XPO4: variants seen among roughly 807,000 people sequenced by gnomAD.
XPO4 encodes the protein exportin-4.
Under a neutral mutation model 143.0 loss-of-function variants are expected in XPO4, and 39 were observed. The ratio of observed to expected loss-of-function variants is 0.27; its 90% CI spans 0.21 to 0.36. The LOEUF (loss-of-function observed/expected upper bound fraction) is 0.36, where lower values mean the gene tolerates loss of function less well. Ranked by LOEUF, XPO4 falls within the 10% of genes least tolerant of loss-of-function variation. XPO4 has a pLI of 1.00. For synonymous variants in XPO4, 439 were observed against 474.0 expected (o/e 0.93, Z 0.96); for missense variants, 907 against 1,348.0 (o/e 0.67, Z 5.12).
intron 6 of XPO4, among the ~76,000 whole-genome samples, chr13:20,829,752 A>G (rs1485228962): frequency 1.3e-5 from 2 of 152,222 alleles, no homozygotes; most frequent in African/African-American, 2.4e-5. Context: ...CCCTCCAGGT[A>G]TAATACAGCA....
chr13:20,784,532 T>C (rs1020743699), intron 22 of XPO4, among the ~76,000 whole-genome samples: 1 of 152,160 alleles, frequency 6.6e-6, no homozygotes, highest in African/African-American at 2.4e-5. Flanking sequence ...CTTTAGTAAA[T>C]ATAGGAATAT....
intron 7 of XPO4, among the ~76,000 whole-genome samples, chr13:20,824,910 G>A (rs1019023910): frequency 6.6e-6 from 1 of 152,182 alleles, no homozygotes; most frequent in African/African-American, 2.4e-5. Context: ...AGTAAGCACT[G>A]GGATTATAAG....
At chr13:20,807,417 T>A (rs2059521882) in intron 13 of XPO4, 40 bp downstream of exon 13, 1 of 1,558,938 alleles carries the variant, frequency 6.4e-7, no homozygotes, top group Non-Finnish European at 8.7e-7. Flanking sequence ...TATAAAACAG[T>A]ATAAAAATTA....
rs750298885 is a variant in XPO4 at position 20,796,912 on chromosome 13, T to C, written c.2468A>G (p.Asn823Ser). The change falls in exon 17 of 23, where the codon AAC becomes AGC. Residue 823 changes from asparagine (N) to serine (S), a missense_variant. Transcript: ENST00000255305. ...TAAAAAATTAAACAGGATTGCTACGTTGTCAATCTGGGTAGCCTCAGCAAT... is the reference window on the plus strand; with the variant it reads ...TAAAAAATTAAACAGGATTGCTACGCTGTCAATCTGGGTAGCCTCAGCAAT... ...CGIAEATQIDNVAILFNFLMD... is the reference protein window; with the variant it reads ...CGIAEATQIDSVAILFNFLMD... The C allele has an allele frequency of 1.5e-5, 24 of 1,614,066 alleles. No homozygotes were observed. The highest frequency in any genetic ancestry group is 1.8e-5 in the Non-Finnish European group (21 of 1,180,032).
chr13:20,855,763 A>T lies in XPO4; in HGVS notation c.320T>A (p.Leu107His). The change falls in exon 4 of 23, where the codon CTT becomes CAT. Residue 107 changes from leucine (L) to histidine (H), a missense_variant and splice_region_variant. Physicochemically the swap from Leu to His is moderately conservative, Grantham distance 99 (BLOSUM62 -3). Transcript: ENST00000255305. ...LLTYVLQRPN[L>H]QKYVREQILL... ...AATCTGTTCCCGAACATACTTTTGA[A>T]GGCTGTAAAACATAAAAATCATTGT... is the stretch of plus-strand genomic sequence containing the variant. 1 of 1,586,336 alleles carries T rather than the reference A, an allele frequency of 6.3e-7. No homozygotes were observed. The highest frequency in any genetic ancestry group is 8.5e-7 in the Non-Finnish European group (1 of 1,171,802).
intron 9 of XPO4, among the ~76,000 whole-genome samples, chr13:20,810,580 G>T (rs896649036): frequency 1.3e-5 from 2 of 152,110 alleles, no homozygotes; most frequent in African/African-American, 2.4e-5. Context: ...CCCTCTTCTT[G>T]GTTCTCCATC....
intron 1 of XPO4, among the ~76,000 whole-genome samples, chr13:20,901,935 A>G (rs1240899223): frequency 6.6e-6 from 1 of 152,194 alleles, no homozygotes; most frequent in Admixed American, 6.5e-5. Flanking sequence ...CTTGCATGTA[A>G]TACTTTTATC....
intron 1 of XPO4, among the ~76,000 whole-genome samples, chr13:20,876,380 A>G (rs939290783): frequency 1.3e-5 from 2 of 152,108 alleles, no homozygotes; most frequent in Non-Finnish European, 2.9e-5. Flanking sequence ...AAACAATGGA[A>G]TGGGGAAAAT....
chr13:20,827,121 T>C lies in XPO4; in HGVS notation c.786A>G (p.Thr262=), dbSNP rs200596666. 5 of 1,614,060 alleles carry C rather than the reference T, an allele frequency of 3.1e-6. No homozygotes were observed. The African/African-American group carries it at 5.3e-5, about 17-fold the overall frequency. The change falls in exon 7 of 23, where the codon ACA becomes ACG. Residue 262 remains threonine, a synonymous_variant. Transcript: ENST00000255305. ...ESSQNVLLKP[T]ESWRETLLDS... ...CCAGAAGAGTCTCCCGCCAGGACTC[T>C]GTTGGCTTCAACAGCACATTTTGCG...
In XPO4 at chr13:20,852,499, GA is replaced by G; in HGVS notation, c.456+3127del. On this transcript the variant is annotated intron_variant, in intron 4 of 22. Coordinates refer to ENST00000255305, the MANE Select transcript of XPO4 (RefSeq NM_022459.5). ...GGAAGCAAATTCGAACAAATTCATA[GA>G]AATGACAAGATTACCATTATACAAC... The G allele has an allele frequency of 6.1e-6, 6 of 985,374 alleles. No individual in the cohort carries two copies. In the South Asian group the frequency reaches 2.8e-4, roughly 46 times the overall value. 61.0% of individuals were successfully genotyped at this position (985,374 alleles called of 1,614,324 possible).
At chr13:20,848,840 T>C (rs985464026) in intron 4 of XPO4, 3 of 985,182 alleles carry the variant, frequency 3.0e-6, no homozygotes, top group Non-Finnish European at 3.6e-6. Context: ...GTCAAACAAG[T>C]AGAAGACAAT....
intron 7 of XPO4, among the ~76,000 whole-genome samples, chr13:20,826,503 G>C (rs2059787578): frequency 6.6e-6 from 1 of 152,170 alleles, no homozygotes; most frequent in Non-Finnish European, 1.5e-5. Context: ...GGTAAAAAGT[G>C]GAATTTCCCC....
At chr13:20,786,583 T>A (rs1431092553) in intron 22 of XPO4, among the ~76,000 whole-genome samples, 1 of 152,176 alleles carries the variant, frequency 6.6e-6, no homozygotes, top group Non-Finnish European at 1.5e-5. Context: ...TCTTCCATAC[T>A]GTCTGAAGGC....
At chr13:20,894,916 G>A (rs945760739) in intron 1 of XPO4, among the ~76,000 whole-genome samples, 12 of 150,602 alleles carry the variant, frequency 8.0e-5, no homozygotes, top group African/African-American at 2.7e-4. Flanking sequence ...GGTATCTCAC[G>A]CCTGTAATCC....
At chr13:20,886,307 G>A (rs1389413571) in intron 1 of XPO4, among the ~76,000 whole-genome samples, 1 of 151,992 alleles carries the variant, frequency 6.6e-6, no homozygotes, top group Non-Finnish European at 1.5e-5. Flanking sequence ...AAATCATAAT[G>A]GAAATCAGAA....
In XPO4 at chr13:20,783,665, T is replaced by C. The variant is rs2059165869; in HGVS notation, c.*57A>G. On this transcript the variant is annotated 3_prime_UTR_variant, in exon 23 of 23. Coordinates refer to ENST00000255305, the MANE Select transcript of XPO4 (RefSeq NM_022459.5). ...AATAGGACAAGACTCAAGTCAACTT[T>C]CAGCAATTCAGTGCACTTTGCAGAA... 6.3e-7 allele frequency: 1 copy of C among 1,582,544 alleles called. No homozygotes were observed. The highest frequency in any genetic ancestry group is 8.7e-7 in the Non-Finnish European group (1 of 1,152,172).
intron 4 of XPO4, chr13:20,849,395 A>G (rs1446092836): frequency 1.0e-6 from 1 of 985,070 alleles, no homozygotes; most frequent in Non-Finnish European, 1.2e-6. Flanking sequence ...ACAGCTTTAA[A>G]GTGATTTAAC....
chr13:20,848,713 T>C (rs1005883823), intron 4 of XPO4: 1 of 985,434 alleles, frequency 1.0e-6, no homozygotes. Context: ...TTTGGATTAA[T>C]GAATCAGTGT....
At chr13:20,852,604 GAAT>G (rs778633246) in intron 4 of XPO4, 37 of 962,512 alleles carry the variant, frequency 3.8e-5, no homozygotes, top group Non-Finnish European at 4.3e-5. Context: ...TGGTATATTT[GAAT>G]ATTATGGTAT....
Sources: allele counts gnomAD v4.1 joint callset (sites outside exome capture counted in the v4.1 genomes callset), GRCh38; gene constraint gnomAD v4.1.1; transcripts MANE v1.5; gene names NCBI Gene and HGNC (gene_info 2026-07-23, HGNC 2026-07-21).